Variants in PTPRG observed in about 807,000 individuals in gnomAD.
PTPRG encodes the protein protein tyrosine phosphatase receptor type G.
In PTPRG, 102 loss-of-function variants were observed where a neutral mutation model predicts 165.3. That is an observed-to-expected ratio of 0.62 (90% CI 0.53 to 0.73). The LOEUF (loss-of-function observed/expected upper bound fraction) is 0.73, where lower values mean the gene tolerates loss of function less well. Ranked by LOEUF, PTPRG falls within the 30% of genes least tolerant of loss-of-function variation. The pLI is 0.00. For missense variants in PTPRG, 1,866 were observed against 1,861.4 expected (o/e 1.00, Z -0.05); for synonymous variants, 675 against 669.5 (o/e 1.01, Z -0.13).
intron 1 of PTPRG, among the ~76,000 whole-genome samples, chr3:61,717,715 G>A (rs533723744): frequency 1.3e-4 from 20 of 151,758 alleles, no homozygotes; most frequent in African/African-American, 4.6e-4. Flanking sequence ...TTTGAACCTG[G>A]GAGTTGCAGA....
intron 5 of PTPRG, among the ~76,000 whole-genome samples, chr3:62,085,893 GGGA>G (rs1701737517): frequency 6.6e-6 from 1 of 152,166 alleles, no homozygotes; most frequent in Non-Finnish European, 1.5e-5. Flanking sequence ...AAGTAGTTGA[GGGA>G]CAGTAAGTTT....
At position 62,203,144 on chromosome 3, in the gene PTPRG, T is replaced by C; in HGVS notation, c.1378-29T>C. The C allele has an allele frequency of 6.5e-7, 1 of 1,538,554 alleles. No individual in the cohort carries two copies. Among genetic ancestry groups the C allele is most frequent in the Non-Finnish European group, 8.8e-7 (1 of 1,142,404 alleles). On this transcript the variant is annotated intron_variant, in intron 11 of 29. Coordinates refer to ENST00000474889, the MANE Select transcript of PTPRG (RefSeq NM_002841.4). The surrounding 1 kb of genome is among the most constrained non-coding windows in gnomAD (Gnocchi z 6.4). The stretch of plus-strand genomic sequence containing the variant: ...TCTGCTTTTTCTTCTTCTGCCTCTT[T>C]TCCACCCTTGCCGGGTGACCCTTTC...
At chr3:61,878,822 A>G (rs1055059073) in intron 2 of PTPRG, among the ~76,000 whole-genome samples, 2 of 152,186 alleles carry the variant, frequency 1.3e-5, no homozygotes, top group African/African-American at 2.4e-5. Context: ...TATAAAACAC[A>G]ATAGAACCGT....
chr3:62,202,094 G>C (rs1027342623), intron 11 of PTPRG, among the ~76,000 whole-genome samples: 7 of 152,174 alleles, frequency 4.6e-5, no homozygotes, highest in Non-Finnish European at 1.0e-4. Context: ...CACAAGGTCA[G>C]TGTTACTGTT....
chr3:61,849,503 A>G (rs1252170653), intron 2 of PTPRG, among the ~76,000 whole-genome samples: 1 of 152,148 alleles, frequency 6.6e-6, no homozygotes, highest in East Asian at 1.9e-4. Context: ...AGAGTCTCGC[A>G]CCCTAAGTTA....
intron 13 of PTPRG, among the ~76,000 whole-genome samples, chr3:62,227,256 C>A (rs1047426661): frequency 6.6e-6 from 1 of 152,176 alleles, no homozygotes; most frequent in African/African-American, 2.4e-5. Flanking sequence ...GCTCTAGCGG[C>A]CGACACTTCC....
intron 17 of PTPRG, among the ~76,000 whole-genome samples, chr3:62,266,326 A>G (rs555761715): frequency 2.5e-4 from 38 of 152,268 alleles, no homozygotes; most frequent in South Asian, 8.3e-4. Flanking sequence ...GATGTATGAA[A>G]AACCTTCTCT....
chr3:61,753,284 C>A (rs570702128), intron 2 of PTPRG, among the ~76,000 whole-genome samples: 29 of 152,024 alleles, frequency 1.9e-4, no homozygotes, highest in South Asian at 1.7e-3. Context: ...TTCCTTGTAC[C>A]AACATAGTAG....
chr3:61,724,997 A>T (rs191142104), intron 1 of PTPRG, among the ~76,000 whole-genome samples: 1 of 152,204 alleles, frequency 6.6e-6, no homozygotes, highest in Non-Finnish European at 1.5e-5. Context: ...GAATTGATTG[A>T]TTTCTTCTCT....
chr3:61,838,008 A>AC (rs2036521990), intron 2 of PTPRG, among the ~76,000 whole-genome samples: 1 of 151,694 alleles, frequency 6.6e-6, no homozygotes, highest in Non-Finnish European at 1.5e-5. Context: ...AACCTTATTC[A>AC]CCCCTTTAAA....
chr3:61,620,380 G>C (rs140112408), intron 1 of PTPRG, among the ~76,000 whole-genome samples: 62 of 152,268 alleles, frequency 4.1e-4, no homozygotes, highest in African/African-American at 1.4e-3. Context: ...TGGGGCTATT[G>C]ATGCGGATTG....
At position 61,820,713 on chromosome 3, in the gene PTPRG, G is replaced by A. The variant is rs571822883; in HGVS notation, c.190+71731G>A. Among the ~76,000 whole-genome samples the A allele has an allele frequency of 5.9e-4, 89 of 149,674 alleles. 1 individual carries two copies. Among genetic ancestry groups the A allele is most frequent in the African/African-American group, 2.0e-3 (82 of 40,648 alleles). ...TGGAGAAAGCAGGTTTTGCTCTTGG[G>A]TAGATAGAGGCGCCTGGCTGCTGGG... On this transcript the variant is annotated intron_variant, in intron 2 of 29. Coordinates refer to ENST00000474889, the MANE Select transcript of PTPRG (RefSeq NM_002841.4).
chr3:62,196,585 G>A lies in PTPRG; in HGVS notation c.1327+1415G>A, dbSNP rs534226691. Among the ~76,000 whole-genome samples, 10 of 152,222 alleles carry A rather than the reference G, an allele frequency of 6.6e-5. No homozygotes were observed. In the South Asian group the frequency reaches 1.5e-3, roughly 22 times the overall value. On this transcript the variant is annotated intron_variant, in intron 10 of 29. Transcript: ENST00000474889. ...TAGGCAGCTGTGGGCTGTAGCCACG[G>A]GCCGTAGTTTGGTGATTTGGTTTGA...
chr3:61,590,811 C>T (rs1435798677), intron 1 of PTPRG, among the ~76,000 whole-genome samples: 1 of 151,996 alleles, frequency 6.6e-6, no homozygotes, highest in Non-Finnish European at 1.5e-5. Flanking sequence ...GTATAGTATT[C>T]TATTGTTGAA....
Position 61,748,069 on chromosome 3 carries a change from T to C in PTPRG, c.86-809T>C, listed in dbSNP as rs189802406. On this transcript the variant is annotated intron_variant, in intron 1 of 29. Transcript: ENST00000474889. Reference sequence around the variant, plus strand: ...GTGAGAGTAGTATTTTTGCTGTTGCTTGGTGGATTGAAATGATTTTGAGAT... The same window carrying C: ...GTGAGAGTAGTATTTTTGCTGTTGCCTGGTGGATTGAAATGATTTTGAGAT... 2.6e-5 allele frequency among the ~76,000 whole-genome samples: 4 copies of C among 152,346 alleles called. No individual in the cohort carries two copies. The East Asian group carries it at 7.7e-4, about 29-fold the overall frequency.
At chr3:61,820,348 A>G (rs1337612378) in intron 2 of PTPRG, among the ~76,000 whole-genome samples, 2 of 152,176 alleles carry the variant, frequency 1.3e-5, no homozygotes, top group Non-Finnish European at 2.9e-5. Flanking sequence ...TTTTTGTTCT[A>G]TTCAGGCACT....
At chr3:61,622,018 T>G (rs1163012701) in intron 1 of PTPRG, among the ~76,000 whole-genome samples, 1 of 152,174 alleles carries the variant, frequency 6.6e-6, no homozygotes, top group African/African-American at 2.4e-5. Context: ...AAGTCATCAC[T>G]CAACTTCAGA....
chr3:61,681,031 G>C (rs67167923), intron 1 of PTPRG, among the ~76,000 whole-genome samples: 14,842 of 112,368 alleles, frequency 0.13, 2,296 homozygotes, highest in Middle Eastern at 0.19. Flanking sequence ...GTGAGATTGA[G>C]TTAATCTTAT....
chr3:62,081,201 G>A (rs576949965), intron 5 of PTPRG, among the ~76,000 whole-genome samples: 25 of 150,784 alleles, frequency 1.7e-4, no homozygotes, highest in Non-Finnish European at 3.2e-4. Context: ...AGCTTGCAGT[G>A]AGCCGAGATC....
Sources: gnomAD v4.1 joint callset for allele counts (sites outside exome capture counted in the v4.1 genomes callset) on GRCh38, gnomAD v4.1.1 for gene constraint, Gnocchi (gnomAD v3.1) non-coding constraint, MANE v1.5 for transcripts, NCBI Gene and HGNC (gene_info 2026-07-23, HGNC 2026-07-21) for gene names.